The following ERBB4 variants were observed in gnomAD, a reference collection of about 807,000 sequenced individuals.
The protein encoded by ERBB4 is receptor tyrosine-protein kinase erbB-4.
In ERBB4, 42 loss-of-function variants were observed where a neutral mutation model predicts 158.0. The ratio of observed to expected loss-of-function variants is 0.27; its 90% CI spans 0.21 to 0.34. The LOEUF is 0.34. Ranked by LOEUF, ERBB4 falls within the 10% of genes least tolerant of loss-of-function variation. The pLI is 1.00. For synonymous variants in ERBB4, 583 were observed against 558.7 expected, an observed-to-expected ratio of 1.04 and a Z score of -0.61; for missense variants, 1,333 against 1,624.1, an observed-to-expected ratio of 0.82 and a Z score of 3.08.
intron 2 of ERBB4, among the ~76,000 whole-genome samples, chr2:211,979,818 G>T (rs2081738345): frequency 1.3e-5 from 2 of 152,014 alleles, no homozygotes; most frequent in South Asian, 4.1e-4. Context: ...CTTACTATCT[G>T]GATCAATCCC....
intron 5 of ERBB4, among the ~76,000 whole-genome samples, chr2:211,728,462 C>T (rs376506121): frequency 1.3e-5 from 2 of 151,420 alleles, no homozygotes; most frequent in African/African-American, 2.4e-5. Context: ...TGTTTAGATG[C>T]CCTAATTAGT....
intron 1 of ERBB4, among the ~76,000 whole-genome samples, chr2:212,516,565 A>G (rs1021260918): frequency 6.6e-6 from 1 of 152,120 alleles, no homozygotes; most frequent in African/African-American, 2.4e-5. Flanking sequence ...AAACAGTCCC[A>G]TGTCTCATAT....
chr2:211,759,869 A>G (rs2075367568), intron 4 of ERBB4, among the ~76,000 whole-genome samples: 1 of 151,866 alleles, frequency 6.6e-6, no homozygotes, highest in African/African-American at 2.4e-5. Context: ...AATACTTTAT[A>G]CAGTTTTGTC....
intron 9 of ERBB4, among the ~76,000 whole-genome samples, chr2:211,709,517 T>A (rs1003921108): frequency 6.6e-6 from 1 of 151,958 alleles, no homozygotes; most frequent in South Asian, 2.1e-4. Context: ...ACAAAATTCT[T>A]GCAGTGTTTC....
intron 1 of ERBB4, among the ~76,000 whole-genome samples, chr2:212,325,720 G>T (rs192744466): frequency 4.1e-4 from 61 of 150,464 alleles, no homozygotes; most frequent in Middle Eastern, 6.8e-3. Context: ...GCTTAGGAGA[G>T]GATGTAAGCA....
intron 25 of ERBB4, among the ~76,000 whole-genome samples, chr2:211,416,238 T>C (rs2063387864): frequency 2.6e-5 from 4 of 152,150 alleles, no homozygotes; most frequent in Admixed American, 2.6e-4. Context: ...TTTTTATTCA[T>C]TGCTATTTCA....
At chr2:212,283,022 C>A (rs751393833) in intron 1 of ERBB4, among the ~76,000 whole-genome samples, 1 of 151,900 alleles carries the variant, frequency 6.6e-6, no homozygotes, top group East Asian at 1.9e-4. Context: ...CATTCATACT[C>A]GGTCTATTTC....
At position 211,392,558 on chromosome 2, in the gene ERBB4, C is replaced by CCACACACACACA. The variant is rs5838261; in HGVS notation, c.3136-4578_3136-4567dup. Among the ~76,000 whole-genome samples the CCACACACACACA allele has an allele frequency of 2.2e-3, 317 of 140,992 alleles. 2 individuals carry two copies. The highest frequency in any genetic ancestry group is 7.8e-3 in the African/African-American group (297 of 38,026). The allele number at this position is 140,992 out of a possible 152,430, so 92.5% of individuals were successfully genotyped here. A position where few individuals can be genotyped will look rare whatever the true frequency, so the allele number is the denominator to read the frequency against. ...ACTTTTTTGAAAAAACTCTCTTACT[C>CCACACACACACA]CACACACACACACACACACACACAC... On this transcript the variant is annotated intron_variant, in intron 25 of 27. Transcript: ENST00000342788.
In ERBB4 at chr2:211,899,546, C is replaced by T. The variant is rs1490702635; in HGVS notation, c.421+47884G>A. Among the ~76,000 whole-genome samples the T allele has an allele frequency of 2.0e-5, 3 of 152,134 alleles. No individual in the cohort carries two copies. In the South Asian group the frequency reaches 6.2e-4, roughly 31 times the overall value. On this transcript the variant is annotated intron_variant, in intron 3 of 27. Transcript: ENST00000342788. Reference sequence around the variant, plus strand: ...AATTTATTAAATTTTTAAAGTAATACTTTCTTGTCAAGCAGACCTGTAAAA... The same window carrying T: ...AATTTATTAAATTTTTAAAGTAATATTTTCTTGTCAAGCAGACCTGTAAAA...
rs548926973 is a variant in ERBB4, at chr2:212,240,508, C to T, written c.83-115605G>A. ...ATTAGCCAGGCGTGGTGGTGCACAC[C>T]TGTATTCCCAGCTACTCAGGAGGCT... On this transcript the variant is annotated intron_variant, in intron 1 of 27. Transcript: ENST00000342788. 2.6e-5 allele frequency among the ~76,000 whole-genome samples: 4 copies of T among 151,588 alleles called. No homozygotes were observed. The South Asian group carries it at 8.3e-4, about 32-fold the overall frequency.
intron 12 of ERBB4, among the ~76,000 whole-genome samples, chr2:211,680,656 G>C (rs2072294730): frequency 6.6e-6 from 1 of 152,144 alleles, no homozygotes; most frequent in Admixed American, 6.5e-5. Flanking sequence ...GACTAGTTCT[G>C]AAACAGCGAA....
rs188932352 is a variant in ERBB4 at position 212,291,600 on chromosome 2, A to T, written c.83-166697T>A. On this transcript the variant is annotated intron_variant, in intron 1 of 27. Transcript: ENST00000342788. The stretch of plus-strand genomic sequence containing the variant: ...AATATACATATTTTTTCTTTCTTTT[A>T]TATGGAAGTAAATTAATTAGATGTC... Among the ~76,000 whole-genome samples, 261 of 152,098 alleles carry T rather than the reference A, an allele frequency of 1.7e-3. 1 individual carries two copies. Among genetic ancestry groups the T allele is most frequent in the Non-Finnish European group, 3.4e-3 (228 of 67,938 alleles).
intron 20 of ERBB4, among the ~76,000 whole-genome samples, chr2:211,462,542 G>A (rs1203876154): frequency 2.6e-5 from 4 of 152,126 alleles, no homozygotes; most frequent in Non-Finnish European, 5.9e-5. Context: ...GTTTCATGTG[G>A]TCCAGAAGGT....
At chr2:212,177,416 C>G (rs945688322) in intron 1 of ERBB4, among the ~76,000 whole-genome samples, 3 of 151,828 alleles carry the variant, frequency 2.0e-5, no homozygotes, top group Admixed American at 6.6e-5. Flanking sequence ...ATCTGCCTAG[C>G]AAATTTAGTA....
chr2:212,293,531 T>C (rs1242427762), intron 1 of ERBB4, among the ~76,000 whole-genome samples: 1 of 152,018 alleles, frequency 6.6e-6, no homozygotes, highest in African/African-American at 2.4e-5. Flanking sequence ...TCAATAAACA[T>C]TAACTAATGC....
intron 3 of ERBB4, among the ~76,000 whole-genome samples, chr2:211,799,476 G>C (rs2076452356): frequency 6.6e-6 from 1 of 152,174 alleles, no homozygotes; most frequent in Non-Finnish European, 1.5e-5. Flanking sequence ...AACAATGCCA[G>C]ATGGTTTAGT....
At chr2:211,908,443 TTTGGCTCATAAAACC>T (rs1265231370) in intron 3 of ERBB4, among the ~76,000 whole-genome samples, 4 of 151,776 alleles carry the variant, frequency 2.6e-5, no homozygotes, top group Non-Finnish European at 5.9e-5. Context: ...ATTGAGGAAT[TTTGGCTCATAAAACC>T]TTACTTAATA....
intron 15 of ERBB4, among the ~76,000 whole-genome samples, chr2:211,660,422 A>G (rs1266751668): frequency 6.6e-6 from 1 of 152,240 alleles, no homozygotes; most frequent in Non-Finnish European, 1.5e-5. Flanking sequence ...CAGTTGATTC[A>G]TGAAAGTGAA....
At chr2:212,288,959 AGAG>A (rs1160250467) in intron 1 of ERBB4, among the ~76,000 whole-genome samples, 1 of 152,128 alleles carries the variant, frequency 6.6e-6, no homozygotes, top group Non-Finnish European at 1.5e-5. Context: ...TGGTTCTGGA[AGAG>A]GATAGAGAGT....
Sources: allele counts gnomAD v4.1 joint callset (sites outside exome capture counted in the v4.1 genomes callset), GRCh38; gene constraint gnomAD v4.1.1; transcripts MANE v1.5; gene names NCBI Gene and HGNC (gene_info 2026-07-23, HGNC 2026-07-21).